The following FRMD4B variants were observed in gnomAD, a reference collection of about 807,000 sequenced individuals.
The protein encoded by FRMD4B is FERM domain containing 4B.
Under a neutral mutation model 141.5 loss-of-function variants are expected in FRMD4B, and 74 were observed. The ratio of observed to expected loss-of-function variants is 0.52; its 90% CI spans 0.43 to 0.63. FRMD4B has a LOEUF of 0.63. Among genes scored for constraint, FRMD4B ranks in the 30% least tolerant of loss-of-function variants. The probability of loss-of-function intolerance (pLI) is 0.00; values close to 1 mark genes in which losing one functional copy is unlikely to be tolerated. For synonymous variants in FRMD4B, 506 were observed against 467.9 expected (o/e 1.08, Z -1.05); for missense variants, 1,366 against 1,253.4 (o/e 1.09, Z -1.36).
chr3:69,180,839 T>C, intron 21 of FRMD4B, 60 bp downstream of exon 21: 1 of 1,244,974 alleles, frequency 8.0e-7, no homozygotes, highest in East Asian at 2.3e-5. Flanking sequence ...CGGTTTTAGG[T>C]GGGCAGGAAA....
chr3:69,475,278 C>CTATGTATACCTATGTATACATAGT (rs1705967214), intron 1 of FRMD4B, among the ~76,000 whole-genome samples: 1 of 151,686 alleles, frequency 6.6e-6, no homozygotes, highest in Non-Finnish European at 1.5e-5. Flanking sequence ...CATAGGTATA[C>CTATGTATACCTATGTATACATAGT]GTGTGCCATG....
chr3:69,521,477 G>T (rs11915976), intron 1 of FRMD4B, among the ~76,000 whole-genome samples: 34,675 of 152,102 alleles, frequency 0.23, 4,116 homozygotes, highest in African/African-American at 0.27. Flanking sequence ...CTTACTAATT[G>T]CATTCATCAT....
intron 1 of FRMD4B, among the ~76,000 whole-genome samples, chr3:69,455,397 C>T (rs1187156109): frequency 1.3e-5 from 2 of 152,220 alleles, no homozygotes; most frequent in African/African-American, 4.8e-5. Context: ...CGGCAAAGGT[C>T]TGCAGCTTCT....
intron 2 of FRMD4B, among the ~76,000 whole-genome samples, chr3:69,313,226 T>C (rs140818954): frequency 1.2e-4 from 19 of 152,320 alleles, no homozygotes; most frequent in African/African-American, 4.3e-4. Flanking sequence ...TGAATCCATG[T>C]CACCAGGCTA....
intron 7 of FRMD4B, among the ~76,000 whole-genome samples, chr3:69,239,101 A>T (rs1478010784): frequency 6.6e-6 from 1 of 152,206 alleles, no homozygotes; most frequent in African/African-American, 2.4e-5. Flanking sequence ...GTAACTTGCC[A>T]AGTTCCGAGT....
chr3:69,312,361 C>A (rs1701626099), intron 2 of FRMD4B, among the ~76,000 whole-genome samples: 1 of 152,188 alleles, frequency 6.6e-6, no homozygotes, highest in Non-Finnish European at 1.5e-5. Context: ...AAGAAACAGG[C>A]AGACATCTAG....
At chr3:69,221,681 T>A (rs1164971690) in intron 9 of FRMD4B, among the ~76,000 whole-genome samples, 177 bp downstream of exon 9, 1 of 152,210 alleles carries the variant, frequency 6.6e-6, no homozygotes, top group African/African-American at 2.4e-5. Flanking sequence ...CTGGTAGGTA[T>A]CTGAGTTGGT....
In FRMD4B at chr3:69,282,757, C is replaced by T. The variant is rs540730073; in HGVS notation, c.501+4995G>A. Among the ~76,000 whole-genome samples, 10 of 152,160 alleles carry T rather than the reference C, an allele frequency of 6.6e-5. 1 individual carries two copies. The highest frequency in any genetic ancestry group is 6.5e-4 in the Admixed American group (10 of 15,276). On this transcript the variant is annotated intron_variant, in intron 5 of 22. Transcript: ENST00000398540. ...GGTTCAAGCGATTCTCCTGCCTCAG[C>T]CTCCGGAGTAGGTGGAATTACAGGC... is the stretch of plus-strand genomic sequence containing the variant.
chr3:69,287,794 G>A lies in FRMD4B; in HGVS notation c.459C>T (p.Thr153=), dbSNP rs372017118. ...TTGCATTCAGGAAAAACAGCTCCAC[G>A]GTGGTTTTATCCTTTAAAAACGATA... ...ESISFLKDKT[T]VELFFLNAKA... The change falls in exon 5 of 23, where the codon ACC becomes ACT. Residue 153 remains threonine (T), a synonymous_variant. Coordinates refer to ENST00000398540, the MANE Select transcript of FRMD4B (RefSeq NM_015123.3). The A allele has an allele frequency of 1.4e-5, 22 of 1,603,928 alleles. No homozygotes were observed. Among genetic ancestry groups the A allele is most frequent in the South Asian group, 5.6e-5 (5 of 89,966 alleles).
chr3:69,457,042 G>T (rs568996396), intron 1 of FRMD4B, among the ~76,000 whole-genome samples: 1 of 150,962 alleles, frequency 6.6e-6, no homozygotes, highest in African/African-American at 2.4e-5. Context: ...ACACACAAAC[G>T]TGTGTGTGTG....
rs894492293 is a variant in FRMD4B, at chr3:69,472,225, A to C, written c.-128-39464T>G. ...TACAGAGCTGAAGATCTTGTGACTA[A>C]AATGAGAGACTGTGAGTTCAGCATG... On this transcript the variant is annotated intron_variant, in intron 1 of 5. Transcript: ENST00000459638. The C allele has an allele frequency of 3.9e-5, 12 of 306,414 alleles. No homozygotes were observed. The South Asian group carries it at 4.6e-4, about 12-fold the overall frequency. The allele number at this position is 306,414 out of a possible 1,614,324, so 19.0% of individuals were successfully genotyped here. A position where few individuals can be genotyped will look rare whatever the true frequency, so the allele number is the denominator to read the frequency against.
intron 1 of FRMD4B, among the ~76,000 whole-genome samples, chr3:69,350,862 A>G (rs1463003948): frequency 6.6e-6 from 1 of 151,442 alleles, no homozygotes; most frequent in East Asian, 2.0e-4. Context: ...GGATAGCATT[A>G]GGAGATATAC....
At chr3:69,439,855 A>G (rs1705317206) in intron 1 of FRMD4B, among the ~76,000 whole-genome samples, 1 of 152,176 alleles carries the variant, frequency 6.6e-6, no homozygotes, top group East Asian at 1.9e-4. Context: ...AAACCTTTTC[A>G]ATTTTTACTG....
chr3:69,205,109 C>T (rs574400634), intron 11 of FRMD4B, among the ~76,000 whole-genome samples: 16 of 146,716 alleles, frequency 1.1e-4, no homozygotes, highest in Non-Finnish European at 2.1e-4. Flanking sequence ...CTTATTTCTT[C>T]CTCAAATAAA....
Position 69,187,687 on chromosome 3 carries a change from A to T in FRMD4B, c.1919+83T>A, listed in dbSNP as rs546998813. 39 of 1,267,008 alleles carry T rather than the reference A, an allele frequency of 3.1e-5. No homozygotes were observed. In the East Asian group the frequency reaches 9.5e-4, roughly 31 times the overall value. The allele number at this position is 1,267,008 out of a possible 1,614,324, so 78.5% of individuals were successfully genotyped here. On this transcript the variant is annotated intron_variant, in intron 19 of 22. Transcript: ENST00000398540. Reference sequence around the variant, plus strand: ...GGAAGGATAAATAAAAACATGTGAAAATGTATCAACCATACATTGCATTTT... The same window carrying T: ...GGAAGGATAAATAAAAACATGTGAATATGTATCAACCATACATTGCATTTT...
chr3:69,519,008 G>A (rs1290996896), intron 1 of FRMD4B, among the ~76,000 whole-genome samples: 1 of 152,164 alleles, frequency 6.6e-6, no homozygotes, highest in African/African-American at 2.4e-5. Context: ...CTGTTGAGAA[G>A]GTGTGGGCAT....
intron 1 of FRMD4B, among the ~76,000 whole-genome samples, chr3:69,433,916 C>T (rs1705219114): frequency 6.6e-6 from 1 of 152,140 alleles, no homozygotes; most frequent in Non-Finnish European, 1.5e-5. Context: ...GTGTTTTAGT[C>T]TAAGCCCCCA....
intron 1 of FRMD4B, among the ~76,000 whole-genome samples, chr3:69,519,889 T>C (rs1700824097): frequency 5.3e-5 from 8 of 151,468 alleles, no homozygotes; most frequent in Admixed American, 5.3e-4. Flanking sequence ...ACATACGATG[T>C]TTGGTTTTCC....
intron 11 of FRMD4B, among the ~76,000 whole-genome samples, chr3:69,213,680 T>A (rs2093110044): frequency 7.7e-6 from 1 of 129,690 alleles, no homozygotes; most frequent in Non-Finnish European, 1.7e-5. Context: ...TTTTTTTTTC[T>A]GACACAAGGT....
Sources: allele counts gnomAD v4.1 joint callset (sites outside exome capture counted in the v4.1 genomes callset), GRCh38; gene constraint gnomAD v4.1.1; transcripts MANE v1.5; gene names NCBI Gene and HGNC (gene_info 2026-07-23, HGNC 2026-07-21).